The following NECTIN3 variants were observed in gnomAD, a reference collection of about 807,000 sequenced individuals.
The protein encoded by NECTIN3 is nectin cell adhesion molecule 3.
Under a neutral mutation model 49.4 loss-of-function variants are expected in NECTIN3, and 8 were observed. The ratio of observed to expected loss-of-function variants is 0.16; its 90% CI spans 0.10 to 0.29. The LOEUF is 0.29. Ranked by LOEUF, NECTIN3 falls within the 10% of genes least tolerant of loss-of-function variation. The pLI is 1.00. For missense variants in NECTIN3, 581 were observed against 654.6 expected (o/e 0.89, Z 1.23); for synonymous variants, 277 against 241.1 (o/e 1.15, Z -1.38).
intron 5 of NECTIN3, among the ~76,000 whole-genome samples, chr3:111,128,103 C>T (rs72937922): frequency 0.042 from 6,421 of 151,936 alleles, 191 homozygotes; most frequent in East Asian, 0.074. Context: ...TTTGGGAGGC[C>T]GAGGTAGGTG....
intron 7 of NECTIN3, among the ~76,000 whole-genome samples, chr3:111,173,599 G>C (rs2035472443): frequency 6.6e-6 from 1 of 152,060 alleles, no homozygotes; most frequent in South Asian, 2.1e-4. Flanking sequence ...AGTTGAGCTG[G>C]TATTCCTTTC....
At chr3:111,177,328 G>A (rs1320209180) in intron 7 of NECTIN3, among the ~76,000 whole-genome samples, 1 of 152,030 alleles carries the variant, frequency 6.6e-6, no homozygotes, top group East Asian at 1.9e-4. Flanking sequence ...AAGGAAGACA[G>A]CAAGAAGGAA....
intron 7 of NECTIN3, among the ~76,000 whole-genome samples, chr3:111,179,775 C>T (rs2035594563): frequency 6.6e-6 from 1 of 151,758 alleles, no homozygotes; most frequent in South Asian, 2.1e-4. Context: ...GACCTGTAGT[C>T]CAAGCTACTC....
chr3:111,123,902 T>G (rs867662134), intron 4 of NECTIN3, among the ~76,000 whole-genome samples: 13 of 152,190 alleles, frequency 8.5e-5, no homozygotes, highest in African/African-American at 2.7e-4. Context: ...AACACTGACC[T>G]AAGGCATATA....
At chr3:111,141,638 G>A (rs2034747288), downstream of NECTIN3, among the ~76,000 whole-genome samples, 1 of 151,800 alleles carries the variant, frequency 6.6e-6, no homozygotes, top group East Asian at 1.9e-4. Flanking sequence ...TTGTGTTGGA[G>A]AATGCTCTTT....
At chr3:111,132,371 A>T (rs1453006135) in intron 5 of NECTIN3, among the ~76,000 whole-genome samples, 1 of 151,772 alleles carries the variant, frequency 6.6e-6, no homozygotes, top group East Asian at 1.9e-4. Context: ...TTCAGTAAGT[A>T]TTTTTCTTTA....
At chr3:111,155,769 A>G (rs2035084344) in intron 7 of NECTIN3, among the ~76,000 whole-genome samples, 1 of 152,200 alleles carries the variant, frequency 6.6e-6, no homozygotes, top group African/African-American at 2.4e-5. Context: ...GAGAATAAAA[A>G]TTAGGCTAAA....
At chr3:111,129,021 A>G (rs2034279525) in intron 5 of NECTIN3, among the ~76,000 whole-genome samples, 1 of 152,080 alleles carries the variant, frequency 6.6e-6, no homozygotes. Flanking sequence ...CTCTAATTTC[A>G]TTTCTTATAT....
intron 7 of NECTIN3, among the ~76,000 whole-genome samples, chr3:111,172,013 T>G (rs1259288603): frequency 2.0e-5 from 3 of 152,210 alleles, no homozygotes; most frequent in Non-Finnish European, 4.4e-5. Flanking sequence ...TATCTTAAAA[T>G]AAAGAAATTG....
chr3:111,084,516 T>A (rs895774442), intron 1 of NECTIN3, among the ~76,000 whole-genome samples: 7 of 152,116 alleles, frequency 4.6e-5, no homozygotes, highest in African/African-American at 1.7e-4. Context: ...GAACCACTTG[T>A]GTTTATGTAT....
intron 1 of NECTIN3, among the ~76,000 whole-genome samples, chr3:111,088,588 T>C (rs1333009847): frequency 2.0e-5 from 3 of 152,168 alleles, no homozygotes; most frequent in Non-Finnish European, 4.4e-5. Context: ...TAAATTACAT[T>C]TCTATGGGCC....
At position 111,112,215 on chromosome 3, in the gene NECTIN3, G is replaced by A; in HGVS notation, c.346G>A (p.Glu116Lys). ...CCAATATGGATTCTCTGTTCAAGGA[G>A]AATATCAGGGAAGAGTCTTGTTTAA... ...HPQYGFSVQGEYQGRVLFKNY... is the reference protein window; with the variant it reads ...HPQYGFSVQGKYQGRVLFKNY... The change falls in exon 2 of 6, where the codon GAA becomes AAA. Residue 116 changes from glutamate (E) to lysine (K), a missense_variant. Physicochemically the swap from Glu to Lys is moderately conservative, Grantham distance 56. Around this residue, in one of 3 missense-constraint regions of NECTIN3, gnomAD observed 234 missense variants for 340.6 expected, o/e 0.69. Transcript: ENST00000485303. The A allele has an allele frequency of 1.2e-6, 2 of 1,613,900 alleles. No homozygotes were observed. Among genetic ancestry groups the A allele is most frequent in the Non-Finnish European group, 1.7e-6 (2 of 1,179,902 alleles).
intron 2 of NECTIN3, among the ~76,000 whole-genome samples, chr3:111,117,298 T>G (rs560049811): frequency 6.6e-6 from 1 of 152,198 alleles, no homozygotes; most frequent in East Asian, 1.9e-4. Flanking sequence ...ACTGTGTTGT[T>G]TAGATTTGCA....
intron 3 of NECTIN3, among the ~76,000 whole-genome samples, chr3:111,121,078 C>T (rs1238649744): frequency 6.7e-6 from 1 of 148,842 alleles, no homozygotes; most frequent in East Asian, 2.0e-4. Flanking sequence ...ACTAGGCTCA[C>T]TGCAAGCTCC....
intron 1 of NECTIN3, among the ~76,000 whole-genome samples, chr3:111,101,872 C>T (rs2032924100): frequency 6.6e-6 from 1 of 152,118 alleles, no homozygotes; most frequent in South Asian, 2.1e-4. Flanking sequence ...TGTATTCAGC[C>T]TTCGTTTCCA....
At chr3:111,103,320 T>C (rs2033010024) in intron 1 of NECTIN3, among the ~76,000 whole-genome samples, 1 of 152,146 alleles carries the variant, frequency 6.6e-6, no homozygotes, top group Admixed American at 6.5e-5. Flanking sequence ...TTGTATAGTT[T>C]TCTGCATATA....
intron 5 of NECTIN3, among the ~76,000 whole-genome samples, chr3:111,130,961 C>T (rs1279833978): frequency 2.0e-5 from 3 of 152,078 alleles, no homozygotes; most frequent in South Asian, 2.1e-4. Flanking sequence ...AACTCTTATT[C>T]CTGTGCACAG....
intron 1 of NECTIN3, among the ~76,000 whole-genome samples, chr3:111,083,756 A>C (rs1298967047): frequency 6.6e-6 from 1 of 152,064 alleles, no homozygotes; most frequent in Non-Finnish European, 1.5e-5. Flanking sequence ...GAACTGAAAG[A>C]AGGTAGGCAA....
At chr3:111,131,485 T>C (rs1237219051) in intron 5 of NECTIN3, among the ~76,000 whole-genome samples, 2 of 152,016 alleles carry the variant, frequency 1.3e-5, no homozygotes, top group Non-Finnish European at 2.9e-5. Flanking sequence ...TGCAAAATAA[T>C]GAAGTATTAA....
Sources: allele counts gnomAD v4.1 joint callset (sites outside exome capture counted in the v4.1 genomes callset), GRCh38; gene constraint gnomAD v4.1.1; regional missense constraint gnomAD v4.1.1; transcripts MANE v1.5; gene names NCBI Gene and HGNC (gene_info 2026-07-23, HGNC 2026-07-21).